The following WIPF2 variants were observed in gnomAD, a reference collection of about 807,000 sequenced individuals.
WIPF2 encodes WAS/WASL interacting protein family member 2.
A neutral mutation model predicts 38.8 loss-of-function variants in WIPF2; 23 were observed. The observed-to-expected ratio is 0.59, with a 90% confidence interval of 0.43 to 0.84. The LOEUF is 0.84. Among genes scored for constraint, WIPF2 ranks in the 40% least tolerant of loss-of-function variants. The probability of loss-of-function intolerance (pLI) is 0.00; values close to 1 mark genes in which losing one functional copy is unlikely to be tolerated. For synonymous variants in WIPF2, 210 were observed against 223.2 expected (o/e 0.94, Z 0.53); for missense variants, 574 against 580.5 (o/e 0.99, Z 0.11).
At chr17:40,245,833 C>T (rs1452997676) in intron 1 of WIPF2, among the ~76,000 whole-genome samples, 1 of 152,170 alleles carries the variant, frequency 6.6e-6, no homozygotes, top group African/African-American at 2.4e-5. Context: ...TAGAAAAATA[C>T]TTTGGCACTC....
At chr17:40,268,327 A>C (rs2032151505) in intron 5 of WIPF2, among the ~76,000 whole-genome samples, 1 of 152,164 alleles carries the variant, frequency 6.6e-6, no homozygotes, top group Non-Finnish European at 1.5e-5. Context: ...TTTAGCCATA[A>C]TGAGGTAGTG....
At chr17:40,238,075 A>T (rs55919825) in intron 1 of WIPF2, among the ~76,000 whole-genome samples, 1 of 150,900 alleles carries the variant, frequency 6.6e-6, no homozygotes, top group African/African-American at 2.4e-5. Context: ...AAAAGAAAAA[A>T]AAAAAGCTCT....
intron 1 of WIPF2, among the ~76,000 whole-genome samples, chr17:40,246,109 T>C (rs78132244): frequency 2.7e-5 from 4 of 149,976 alleles, no homozygotes; most frequent in African/African-American, 9.9e-5. Flanking sequence ...TTTTTTTTTT[T>C]CCTGAGTCTC....
At chr17:40,244,382 T>C (rs2031289358) in intron 1 of WIPF2, among the ~76,000 whole-genome samples, 1 of 152,190 alleles carries the variant, frequency 6.6e-6, no homozygotes, top group Admixed American at 6.6e-5. Flanking sequence ...GATGCCATTA[T>C]GCCATTGTAG....
At chr17:40,220,595 A>ATATATATATATATATATATATATG (rs1339980817) in intron 1 of WIPF2, 3 of 77,038 alleles carry the variant, frequency 3.9e-5, no homozygotes, top group East Asian at 5.9e-4. Flanking sequence ...ATATATATAT[A>ATATATATATATATATATATATATG]TATATATATA....
At chr17:40,263,942 A>G (rs2031994869) in intron 4 of WIPF2, among the ~76,000 whole-genome samples, 1 of 152,144 alleles carries the variant, frequency 6.6e-6, no homozygotes, top group East Asian at 1.9e-4. Context: ...ATATAACGAG[A>G]CATTGTACCC....
chr17:40,230,207 T>C (rs2030681613), intron 1 of WIPF2, among the ~76,000 whole-genome samples: 1 of 152,092 alleles, frequency 6.6e-6, no homozygotes, highest in Non-Finnish European at 1.5e-5. Flanking sequence ...GGCATGGTGA[T>C]GAGCACCCGT....
At position 40,278,350 on chromosome 17, in the gene WIPF2, A is replaced by C. The variant is rs1382634292; in HGVS notation, c.*125A>C. On this transcript the variant is annotated 3_prime_UTR_variant, in exon 8 of 8. Transcript: ENST00000323571. ...TGTTTCTCCAATGCAATCAAGCCCT[A>C]GACTCCAAATGTCCTCCCAGCTCAC... The C allele has an allele frequency of 6.9e-6, 8 of 1,158,966 alleles. No homozygotes were observed. The highest frequency in any genetic ancestry group is 7.5e-6 in the Non-Finnish European group (6 of 804,032). 71.8% of individuals were successfully genotyped at this position (1,158,966 alleles called of 1,614,324 possible). A position where few individuals can be genotyped will look rare whatever the true frequency, so the allele number is the denominator to read the frequency against.
intron 1 of WIPF2, among the ~76,000 whole-genome samples, chr17:40,233,676 A>G (rs1598469764): frequency 6.6e-6 from 1 of 152,262 alleles, no homozygotes; most frequent in East Asian, 1.9e-4. Context: ...GTGATGGCAC[A>G]AGCCTGTAAT....
chr17:40,233,387 A>C lies in WIPF2; in HGVS notation c.-70+13895A>C, dbSNP rs572507034. On this transcript the variant is annotated intron_variant, in intron 1 of 7. Coordinates refer to ENST00000323571, the MANE Select transcript of WIPF2 (RefSeq NM_133264.5). ...TACAAGGCTTATAATTAGAAAAAAA[A>C]CACTACTTTATTTCTGCTTGTTTGT... Among the ~76,000 whole-genome samples, 3 of 152,270 alleles carry C rather than the reference A, an allele frequency of 2.0e-5. No individual in the cohort carries two copies. The East Asian group carries it at 5.8e-4, about 29-fold the overall frequency.
intron 4 of WIPF2, among the ~76,000 whole-genome samples, chr17:40,263,721 T>C (rs2145384004): frequency 6.6e-6 from 1 of 151,698 alleles, no homozygotes; most frequent in Admixed American, 6.6e-5. Context: ...TTTTGTAGTT[T>C]TAGTAGAGAC....
rs2032584834 is a variant in WIPF2, at chr17:40,283,056, C to T, written c.*4831C>T. On this transcript the variant is annotated 3_prime_UTR_variant, in exon 8 of 8. Transcript: ENST00000323571. Reference sequence around the variant, plus strand: ...ACAAAAATTAACCGGTGTCATGGCGCATGCCTGTAGTCCCAGCTACTCGGG... The same window carrying T: ...ACAAAAATTAACCGGTGTCATGGCGTATGCCTGTAGTCCCAGCTACTCGGG... 6.8e-6 allele frequency: 1 copy of T among 146,142 alleles called. No homozygotes were observed. Among genetic ancestry groups the T allele is most frequent in the Non-Finnish European group, 1.5e-5 (1 of 67,134 alleles). The allele number at this position is 146,142 out of a possible 1,614,324, so 9.1% of individuals were successfully genotyped here. A position where few individuals can be genotyped will look rare whatever the true frequency, so the allele number is the denominator to read the frequency against.
intron 1 of WIPF2, among the ~76,000 whole-genome samples, chr17:40,255,845 C>G (rs543171081): frequency 1.8e-4 from 27 of 149,478 alleles, no homozygotes; most frequent in Non-Finnish European, 2.4e-4. Flanking sequence ...CCAGGATGGT[C>G]TCGATCTCCT....
chr17:40,260,415 G>A (rs2031860274), intron 2 of WIPF2, 120 bp from the exon 3 acceptor site: 1 of 1,221,014 alleles, frequency 8.2e-7, no homozygotes, highest in African/African-American at 1.5e-5. Flanking sequence ...TGGAACTCCT[G>A]ACTTCAAGTG....
At chr17:40,265,179 T>C (rs2032048514) in intron 5 of WIPF2, 33 bp downstream of exon 5, 3 of 1,546,392 alleles carry the variant, frequency 1.9e-6, no homozygotes, top group Non-Finnish European at 2.6e-6. Flanking sequence ...TTCCCTATCA[T>C]GCTGTGAGTT....
chr17:40,227,911 T>G (rs543294761), intron 1 of WIPF2, among the ~76,000 whole-genome samples: 13 of 151,390 alleles, frequency 8.6e-5, no homozygotes, highest in Non-Finnish European at 1.9e-4. Context: ...AAAGCAAATA[T>G]GTATATTTCT....
intron 1 of WIPF2, among the ~76,000 whole-genome samples, chr17:40,232,207 T>TTTTTTTTTTTTTTTTTG (rs2030777294): frequency 7.5e-6 from 1 of 133,200 alleles, no homozygotes. Flanking sequence ...TTTTTTTTTT[T>TTTTTTTTTTTTTTTTTG]GAGACAGGGT....
chr17:40,257,272 C>A (rs765305080), intron 2 of WIPF2, among the ~76,000 whole-genome samples: 1 of 152,008 alleles, frequency 6.6e-6, no homozygotes, highest in African/African-American at 2.4e-5. Context: ...CCACCGCGCC[C>A]GGCTTGAGGA....
intron 1 of WIPF2, among the ~76,000 whole-genome samples, chr17:40,249,761 G>C (rs951708023): frequency 1.7e-4 from 26 of 151,890 alleles, no homozygotes; most frequent in Admixed American, 5.3e-4. Context: ...CCAGGAAGCA[G>C]TTTTTAAAAG....
Sources: allele counts gnomAD v4.1 joint callset (sites outside exome capture counted in the v4.1 genomes callset), GRCh38; gene constraint gnomAD v4.1.1; transcripts MANE v1.5; gene names NCBI Gene and HGNC (gene_info 2026-07-23, HGNC 2026-07-21).